Variants in ANKRD44 observed in about 807,000 individuals in gnomAD.
ANKRD44 encodes ankyrin repeat domain 44, also known as serine/threonine-protein phosphatase 6 regulatory ankyrin repeat subunit B.
Under a neutral mutation model 116.0 loss-of-function variants are expected in ANKRD44, and 35 were observed. The observed-to-expected ratio is 0.30, with a 90% CI of 0.23 to 0.40. ANKRD44 has a LOEUF of 0.40. Among genes scored for constraint, ANKRD44 ranks in the 10% least tolerant of loss-of-function variants. ANKRD44 has a pLI of 1.00. For synonymous variants in ANKRD44, 435 were observed against 461.8 expected (o/e 0.94, Z 0.74); for missense variants, 1,014 against 1,242.6 (o/e 0.82, Z 2.77).
At chr2:197,153,005 C>T (rs1220696910) in intron 2 of ANKRD44, among the ~76,000 whole-genome samples, 1 of 151,928 alleles carries the variant, frequency 6.6e-6, no homozygotes, top group South Asian at 2.1e-4. Flanking sequence ...TGGCTTAAGC[C>T]CAGGAAATTG....
At chr2:197,147,150 T>C (rs754415351) in intron 2 of ANKRD44, 45 bp from the exon 3 acceptor site, 30 of 1,553,258 alleles carry the variant, frequency 1.9e-5, no homozygotes, top group Non-Finnish European at 2.5e-5. Flanking sequence ...CAGTGGCAGC[T>C]GGAGGTCCCT....
At chr2:197,197,809 C>CAAAA (rs199994103) in intron 1 of ANKRD44, among the ~76,000 whole-genome samples, 14,435 of 113,170 alleles carry the variant, frequency 0.13, 952 homozygotes, top group Non-Finnish European at 0.16. Context: ...AATCCTGTCT[C>CAAAA]AAAAAAAAAA....
chr2:196,995,216 A>G, intron 26 of ANKRD44, 163 bp downstream of exon 26: 1 of 406,468 alleles, frequency 2.5e-6, no homozygotes, highest in Non-Finnish European at 4.4e-6. Context: ...CTTGGTCAGC[A>G]CTTGTAGGTA....
intron 2 of ANKRD44, among the ~76,000 whole-genome samples, chr2:197,158,022 G>A (rs60323766): frequency 0.011 from 1,648 of 152,268 alleles, 31 homozygotes; most frequent in African/African-American, 0.037. Context: ...TATTTCTTGA[G>A]AGCCAGTGGA....
intron 17 of ANKRD44, among the ~76,000 whole-genome samples, chr2:197,017,253 T>C (rs1390549580): frequency 6.6e-6 from 1 of 152,116 alleles, no homozygotes; most frequent in Non-Finnish European, 1.5e-5. Context: ...ACAAAGCAAA[T>C]ATATCTCATA....
chr2:197,153,074 G>T (rs1405949742), intron 2 of ANKRD44, among the ~76,000 whole-genome samples: 2 of 151,826 alleles, frequency 1.3e-5, no homozygotes, highest in Non-Finnish European at 2.9e-5. Flanking sequence ...GGGCGTGGTA[G>T]CATGTGCCTG....
intron 8 of ANKRD44, among the ~76,000 whole-genome samples, chr2:197,118,679 A>AAAGAAAGAAAGAAAGAAAG (rs2078780653): frequency 1.2e-5 from 1 of 85,240 alleles, no homozygotes; most frequent in African/African-American, 4.1e-5. Flanking sequence ...AAGAAAGAAA[A>AAAGAAAGAAAGAAAGAAAG]ACCTAAATCA....
intron 9 of ANKRD44, among the ~76,000 whole-genome samples, chr2:197,106,520 T>A (rs1030130204): frequency 6.6e-6 from 1 of 152,198 alleles, no homozygotes; most frequent in African/African-American, 2.4e-5. Context: ...CCAGTCGCAG[T>A]GGCTCACGCC....
In ANKRD44 at chr2:197,099,885, T is replaced by G; in HGVS notation, c.1031A>C (p.His344Pro). The G allele has an allele frequency of 1.2e-6, 2 of 1,614,186 alleles. No individual in the cohort carries two copies. The highest frequency in any genetic ancestry group is 1.7e-6 in the Non-Finnish European group (2 of 1,180,024). Reference sequence around the variant, plus strand: ...CTCATGACCGTATCTTGCAGCCACATGGAGAGGAGTGTTGCCGTCCTTATC... The same window carrying G: ...CTCATGACCGTATCTTGCAGCCACAGGGAGAGGAGTGTTGCCGTCCTTATC... ...CVDKDGNTPLHVAARYGHELL... is the reference protein window; with the variant it reads ...CVDKDGNTPLPVAARYGHELL... Residue 344 changes from histidine (H) to proline (P), a missense_variant, in exon 10 of 28, where the codon CAT (histidine) becomes CCT (proline). Physicochemically the swap from His to Pro is moderately conservative, Grantham distance 77. Coordinates refer to ENST00000282272, the MANE Select transcript of ANKRD44 (RefSeq NM_001195144.2).
intron 19 of ANKRD44, among the ~76,000 whole-genome samples, chr2:197,008,697 C>T (rs770753895): frequency 4.6e-5 from 7 of 152,036 alleles, no homozygotes; most frequent in East Asian, 3.9e-4. Context: ...AAATAAGAGC[C>T]GGGAAACATG....
intron 2 of ANKRD44, among the ~76,000 whole-genome samples, chr2:197,157,423 C>A (rs11904645): frequency 0.052 from 7,841 of 152,084 alleles, 677 homozygotes; most frequent in African/African-American, 0.18. Flanking sequence ...GCCTGTAATC[C>A]CAGCATTTTG....
At chr2:197,187,674 C>G (rs553449418) in intron 1 of ANKRD44, among the ~76,000 whole-genome samples, 101 of 151,932 alleles carry the variant, frequency 6.6e-4, no homozygotes, top group African/African-American at 2.0e-3. Flanking sequence ...CTCTCTCTCT[C>G]TCTCCCTCTT....
chr2:197,169,618 T>G lies in ANKRD44; in HGVS notation c.111+17405A>C, dbSNP rs185540118. ...CTCCCAGTTGACCACGGACCAATGG[T>G]TCTCAAAGTGCAGTCCCCAACCAGC... On this transcript the variant is annotated intron_variant, in intron 2 of 27. Transcript: ENST00000282272. 7.3e-4 allele frequency among the ~76,000 whole-genome samples: 111 copies of G among 152,270 alleles called. 7 individuals carry two copies. In the East Asian group the frequency reaches 7.9e-3, roughly 11 times the overall value.
chr2:197,088,654 AAG>A (rs2077978715), intron 12 of ANKRD44, 55 bp downstream of exon 12: 5 of 1,071,462 alleles, frequency 4.7e-6, no homozygotes, highest in Non-Finnish European at 6.3e-6. Flanking sequence ...AACTTAAGTC[AAG>A]TCAATAAAGA....
chr2:197,129,187 A>T (rs2079044053), intron 4 of ANKRD44, among the ~76,000 whole-genome samples: 1 of 149,210 alleles, frequency 6.7e-6, no homozygotes, highest in Admixed American at 6.7e-5. Context: ...CCCAGCCTGG[A>T]GTGCAGTGGT....
chr2:197,075,967 C>T (rs1024337836), intron 16 of ANKRD44, among the ~76,000 whole-genome samples: 1 of 152,186 alleles, frequency 6.6e-6, no homozygotes, highest in Non-Finnish European at 1.5e-5. Flanking sequence ...CCTCACAAAT[C>T]AGCTGGTCCA....
chr2:197,288,019 C>CAA (rs10666895), intron 1 of ANKRD44, among the ~76,000 whole-genome samples: 13,861 of 81,604 alleles, frequency 0.17, 1,330 homozygotes, highest in Middle Eastern at 0.28. Context: ...GACTCAGTCT[C>CAA]AAAAAAAAAA....
At chr2:197,169,583 A>G (rs2080177632) in intron 2 of ANKRD44, among the ~76,000 whole-genome samples, 1 of 152,100 alleles carries the variant, frequency 6.6e-6, no homozygotes, top group African/African-American at 2.4e-5. Flanking sequence ...CCTCCAGAAC[A>G]TCTGTTTTCC....
Position 197,086,711 on chromosome 2 carries a change from C to G in ANKRD44, c.1285G>C (p.Ala429Pro). The change falls in exon 13 of 28, where the codon GCA becomes CCA. Residue 429 changes from alanine (A) to proline (P), a missense_variant. Ala to Pro is a conservative substitution (Grantham distance 27, BLOSUM62 -1). Transcript: ENST00000282272. Reference protein sequence around the residue: ...ECIKLLQSSGADFHKKDKCGR... With the variant: ...ECIKLLQSSGPDFHKKDKCGR... The stretch of plus-strand genomic sequence containing the variant: ...CACTTGTCCTTTTTATGGAAATCTG[C>G]TCCGCTGCTCTGCAAGAGTTTTATA... The G allele has an allele frequency of 6.2e-7, 1 of 1,613,938 alleles. No individual in the cohort carries two copies. The highest frequency in any genetic ancestry group is 8.5e-7 in the Non-Finnish European group (1 of 1,179,878).
Sources: gnomAD v4.1 joint callset for allele counts (sites outside exome capture counted in the v4.1 genomes callset) on GRCh38, gnomAD v4.1.1 for gene constraint, MANE v1.5 for transcripts, NCBI Gene and HGNC (gene_info 2026-07-23, HGNC 2026-07-21) for gene names.